Variants in PRKCE observed in about 807,000 individuals in gnomAD.
The protein encoded by PRKCE is protein kinase C epsilon.
Under a neutral mutation model 85.4 loss-of-function variants are expected in PRKCE, and 16 were observed. That is an observed-to-expected ratio of 0.19 (90% CI 0.13 to 0.28). PRKCE has a LOEUF of 0.28. PRKCE is among the 10% of genes least tolerant of loss of function. The pLI, the probability that PRKCE is intolerant of heterozygous loss-of-function variation, is 1.00. For missense variants in PRKCE, 573 were observed against 975.2 expected (o/e 0.59, Z 5.49); for synonymous variants, 388 against 371.5 (o/e 1.04, Z -0.51).
Position 46,139,150 on chromosome 2 carries a change from T to C in PRKCE, c.1593-5943T>C, listed in dbSNP as rs189098385. On this transcript the variant is annotated intron_variant, in intron 11 of 14. Transcript: ENST00000306156. The surrounding 1 kb of genome is among the most constrained non-coding windows in gnomAD (Gnocchi z 5.2). ...ACCACCAAAGATGCTATCACCATTA[T>C]TACTTAGCATTGTTCTTGAGGTTGC... 1.6e-4 allele frequency among the ~76,000 whole-genome samples: 24 copies of C among 152,340 alleles called. No homozygotes were observed. Among genetic ancestry groups the C allele is most frequent in the African/African-American group, 5.8e-4 (24 of 41,564 alleles).
chr2:45,955,963 C>G (rs1700949463), intron 2 of PRKCE, among the ~76,000 whole-genome samples: 1 of 152,228 alleles, frequency 6.6e-6, no homozygotes, highest in African/African-American at 2.4e-5. Flanking sequence ...CTTTCATAGT[C>G]AAGCCCTTTG....
intron 1 of PRKCE, among the ~76,000 whole-genome samples, chr2:45,764,955 C>G (rs924491866): frequency 6.6e-6 from 1 of 152,142 alleles, no homozygotes; most frequent in Non-Finnish European, 1.5e-5. Flanking sequence ...TCAGGTCTCT[C>G]CTTGACATCA....
At chr2:46,173,904 C>G (rs1679164811) in intron 14 of PRKCE, among the ~76,000 whole-genome samples, 1 of 152,106 alleles carries the variant, frequency 6.6e-6, no homozygotes, top group South Asian at 2.1e-4. Flanking sequence ...AGTAACTTCT[C>G]ACATGGAATT....
chr2:46,023,661 C>G (rs543104164), intron 10 of PRKCE, among the ~76,000 whole-genome samples: 2 of 152,278 alleles, frequency 1.3e-5, no homozygotes, highest in African/African-American at 2.4e-5. Flanking sequence ...TGTCTCCTTC[C>G]TGTCACTGAG....
At chr2:46,050,984 C>T (rs548959128) in intron 10 of PRKCE, among the ~76,000 whole-genome samples, 1 of 152,274 alleles carries the variant, frequency 6.6e-6, no homozygotes, top group African/African-American at 2.4e-5. Context: ...GTCATCACTT[C>T]CTTTATCTCT....
At chr2:46,133,978 G>T (rs571072815) in intron 11 of PRKCE, among the ~76,000 whole-genome samples, 3 of 152,204 alleles carry the variant, frequency 2.0e-5, no homozygotes, top group Non-Finnish European at 4.4e-5. Flanking sequence ...CAACAAGAGG[G>T]TGTTGCTTGG....
intron 2 of PRKCE, among the ~76,000 whole-genome samples, chr2:45,948,964 CG>C (rs1237882582): frequency 3.9e-5 from 6 of 152,160 alleles, no homozygotes; most frequent in Non-Finnish European, 8.8e-5. Context: ...TGCTATTCCT[CG>C]AATGACAATA....
Position 46,118,326 on chromosome 2 carries a change from A to G in PRKCE, c.1593-26767A>G, listed in dbSNP as rs1435134784. On this transcript the variant is annotated intron_variant, in intron 11 of 14. Coordinates refer to ENST00000306156, the MANE Select transcript of PRKCE (RefSeq NM_005400.3). Reference sequence around the variant, plus strand: ...GCTGTGGGACACGGTGGAGAAAGAAACTACCCAAAGTTGGCCAAAGAGCTT... The same window carrying G: ...GCTGTGGGACACGGTGGAGAAAGAAGCTACCCAAAGTTGGCCAAAGAGCTT... 2.6e-5 allele frequency among the ~76,000 whole-genome samples: 4 copies of G among 152,204 alleles called. No individual in the cohort carries two copies. In the East Asian group the frequency reaches 5.8e-4, roughly 22 times the overall value.
chr2:46,129,388 A>G (rs576596802), intron 11 of PRKCE, among the ~76,000 whole-genome samples: 1 of 152,202 alleles, frequency 6.6e-6, no homozygotes, highest in Admixed American at 6.5e-5. Flanking sequence ...TAATCTCAGC[A>G]TGTACGTTCA....
At chr2:46,134,669 T>A (rs10183887) in intron 11 of PRKCE, among the ~76,000 whole-genome samples, 41,469 of 152,184 alleles carry the variant, frequency 0.27, 6,042 homozygotes, top group Middle Eastern at 0.42. Flanking sequence ...GGGGATTAAC[T>A]CATCCAGCCG....
intron 1 of PRKCE, among the ~76,000 whole-genome samples, chr2:45,702,693 T>C (rs149870565): frequency 3.3e-5 from 5 of 152,108 alleles, no homozygotes; most frequent in Non-Finnish European, 5.9e-5. Context: ...TTCTTTTTTT[T>C]CCCCCAAAAT....
chr2:46,059,584 C>T (rs539008357), intron 10 of PRKCE, among the ~76,000 whole-genome samples: 45 of 152,306 alleles, frequency 3.0e-4, no homozygotes, highest in African/African-American at 9.6e-4. Flanking sequence ...AGTTATTTTT[C>T]TAATATTCTA....
chr2:46,092,024 AG>A (rs1318770073), intron 11 of PRKCE, among the ~76,000 whole-genome samples: 1 of 152,232 alleles, frequency 6.6e-6, no homozygotes, highest in Non-Finnish European at 1.5e-5. Context: ...ATAACTACCC[AG>A]GGGTAAACAG....
chr2:45,866,856 T>C (rs887376670), intron 2 of PRKCE, among the ~76,000 whole-genome samples: 1 of 152,242 alleles, frequency 6.6e-6, no homozygotes, highest in Non-Finnish European at 1.5e-5. Flanking sequence ...TGGCCAGCAC[T>C]GGCACATGAA....
At chr2:46,018,303 T>C (rs1163617240) in intron 10 of PRKCE, among the ~76,000 whole-genome samples, 1 of 152,148 alleles carries the variant, frequency 6.6e-6, no homozygotes, top group Admixed American at 6.5e-5. Flanking sequence ...TGGGGCGCCA[T>C]GCTGCCTGCT....
intron 14 of PRKCE, among the ~76,000 whole-genome samples, chr2:46,182,440 C>G (rs780882115): frequency 6.6e-6 from 1 of 152,138 alleles, no homozygotes; most frequent in Non-Finnish European, 1.5e-5. Flanking sequence ...GTCCTCCTGC[C>G]GGGGGCCAGC....
intron 4 of PRKCE, among the ~76,000 whole-genome samples, chr2:45,979,307 C>T (rs980409181): frequency 6.6e-6 from 1 of 152,182 alleles, no homozygotes; most frequent in Non-Finnish European, 1.5e-5. Context: ...AGACATTCTG[C>T]TTCAGTTGGA....
intron 2 of PRKCE, among the ~76,000 whole-genome samples, chr2:45,883,796 A>C (rs1695053018): frequency 1.3e-5 from 2 of 152,172 alleles, no homozygotes; most frequent in African/African-American, 4.8e-5. Flanking sequence ...CACTGTGGGA[A>C]CAGGGTATGG....
At chr2:45,822,323 C>A (rs902087310) in intron 1 of PRKCE, among the ~76,000 whole-genome samples, 5 of 152,240 alleles carry the variant, frequency 3.3e-5, no homozygotes, top group African/African-American at 1.2e-4. Flanking sequence ...GAAACTTGAG[C>A]CAGCCCGGGA....
Sources: allele counts gnomAD v4.1 joint callset (sites outside exome capture counted in the v4.1 genomes callset), GRCh38; gene constraint gnomAD v4.1.1; non-coding constraint Gnocchi (gnomAD v3.1); transcripts MANE v1.5; gene names NCBI Gene and HGNC (gene_info 2026-07-23, HGNC 2026-07-21).